Variants in RBM24 observed in about 807,000 individuals in gnomAD.
The protein encoded by RBM24 is RNA-binding protein 24.
RBM24 carries 5 observed loss-of-function variants against 23.6 expected under a neutral mutation model. The observed-to-expected ratio is 0.21, with a 90% CI of 0.11 to 0.45. The LOEUF (loss-of-function observed/expected upper bound fraction) is 0.45. RBM24 is among the 20% of genes least tolerant of loss of function. RBM24 has a pLI of 0.99. For missense variants in RBM24, 252 were observed against 314.6 expected, an observed-to-expected ratio of 0.80 and a Z score of 1.51; for synonymous variants, 151 against 129.5, an observed-to-expected ratio of 1.17 and a Z score of -1.13.
Position 17,291,955 on chromosome 6 carries a change from G to A in RBM24, c.547G>A (p.Ala183Thr), listed in dbSNP as rs756883352. ...YDQYPYAASP[A>T]AAGYVTAGGY... is the part of the protein sequence containing the mutation. ...CCAGTACCCCTATGCAGCCTCTCCA[G>A]CTGCTGCAGGATATGTTACTGCTGG... Residue 183 changes from alanine to threonine, a missense_variant, in exon 4 of 4, where the codon GCT (alanine) becomes ACT (threonine). Ala to Thr is a moderately conservative substitution (Grantham distance 58). Coordinates refer to ENST00000379052, the MANE Select transcript of RBM24 (RefSeq NM_001143942.2). The A allele has an allele frequency of 2.5e-6, 4 of 1,612,126 alleles. No individual in the cohort carries two copies. The South Asian group carries it at 4.4e-5, about 18-fold the overall frequency.
At chr6:17,283,873 G>C (rs1055081069) in intron 2 of RBM24, among the ~76,000 whole-genome samples, 2 of 152,180 alleles carry the variant, frequency 1.3e-5, no homozygotes, top group African/African-American at 4.8e-5. Context: ...GTTGCCAAAA[G>C]GGAGCAGTTT....
At chr6:17,290,184 A>T (rs748928753) in intron 3 of RBM24, 2 of 932,308 alleles carry the variant, frequency 2.1e-6, no homozygotes, top group Non-Finnish European at 3.0e-6. Flanking sequence ...TGAAAAGGCA[A>T]AGCAAAATCT....
At chr6:17,288,292 C>T in intron 3 of RBM24, 1 of 985,376 alleles carries the variant, frequency 1.0e-6, no homozygotes, top group African/African-American at 1.7e-5. Flanking sequence ...GAAGGGCTGT[C>T]CATGTGGCTT....
chr6:17,285,845 G>A (rs1760178573), intron 3 of RBM24, among the ~76,000 whole-genome samples: 1 of 152,046 alleles, frequency 6.6e-6, no homozygotes, highest in Admixed American at 6.6e-5. Context: ...AATTTATCCT[G>A]GACACTAGAT....
intron 3 of RBM24, among the ~76,000 whole-genome samples, chr6:17,287,570 A>G (rs1441643027): frequency 6.6e-6 from 1 of 152,066 alleles, no homozygotes; most frequent in Non-Finnish European, 1.5e-5. Context: ...TGGGAGGCCG[A>G]GGTGGGTGGA....
At chr6:17,290,210 C>G (rs1229695627) in intron 3 of RBM24, 1 of 703,554 alleles carries the variant, frequency 1.4e-6, no homozygotes. Flanking sequence ...TCTGAAAAAT[C>G]TACAAGTGCT....
chr6:17,282,094 G>A, intron 1 of RBM24: 1 of 1,229,176 alleles, frequency 8.1e-7, no homozygotes, highest in Non-Finnish European at 1.0e-6. Context: ...GATGCCGGTT[G>A]TTAAGCGCGC....
At chr6:17,283,820 G>A (rs933096716) in intron 2 of RBM24, among the ~76,000 whole-genome samples, 2 of 152,194 alleles carry the variant, frequency 1.3e-5, no homozygotes, top group African/African-American at 4.8e-5. Context: ...AGAAACTGAT[G>A]CTTAGAGATG....
chr6:17,284,747 A>G lies in RBM24; in HGVS notation c.347+36A>G, dbSNP rs185780622. On this transcript the variant is annotated intron_variant, in intron 3 of 3. Coordinates refer to ENST00000379052, the MANE Select transcript of RBM24 (RefSeq NM_001143942.2). The stretch of plus-strand genomic sequence containing the variant: ...TAATCAGGCTTTCTTAAGTTTCAGT[A>G]TGACTATCATTTGTTAACGTGCCTC... 1.2e-3 allele frequency: 1,891 copies of G among 1,524,626 alleles called. 2 individuals are homozygous for G. Among genetic ancestry groups the G allele is most frequent in the Non-Finnish European group, 1.6e-3 (1,748 of 1,102,044 alleles). 94.4% of individuals were successfully genotyped at this position (1,524,626 alleles called of 1,614,324 possible). A position where few individuals can be genotyped will look rare whatever the true frequency, so the allele number is the denominator to read the frequency against.
At position 17,292,296 on chromosome 6, in the gene RBM24, G is replaced by A. The variant is rs1042104381; in HGVS notation, c.*177G>A. On this transcript the variant is annotated 3_prime_UTR_variant, in exon 4 of 4. Transcript: ENST00000379052. ...TCCAGGTAGTGTTCTAGATGAGAAA[G>A]AGGTAAGAATGAGGGGAATGGGCAC... is the stretch of plus-strand genomic sequence containing the variant. 1.9e-6 allele frequency: 1 copy of A among 529,832 alleles called. No homozygotes were observed. Among genetic ancestry groups the A allele is most frequent in the Non-Finnish European group, 2.9e-6 (1 of 340,234 alleles). 32.8% of individuals were successfully genotyped at this position (529,832 alleles called of 1,614,324 possible).
chr6:17,284,787 A>G, intron 3 of RBM24, 76 bp downstream of exon 3: 1 of 1,069,366 alleles, frequency 9.4e-7, no homozygotes, highest in South Asian at 1.6e-5. Flanking sequence ...TTATATACAG[A>G]TAAGATCATG....
intron 3 of RBM24, chr6:17,289,970 C>G (rs534727074): frequency 7.8e-7 from 1 of 1,289,142 alleles, no homozygotes; most frequent in East Asian, 5.5e-5. Context: ...CATGACCACG[C>G]GCCTGGTTTC....
intron 3 of RBM24, chr6:17,289,402 A>T: frequency 1.0e-6 from 1 of 985,380 alleles, no homozygotes; most frequent in Non-Finnish European, 1.2e-6. Context: ...ACCTTTGCCA[A>T]ACTTCATGTA....
intron 3 of RBM24, among the ~76,000 whole-genome samples, chr6:17,286,601 G>A (rs548640866): frequency 1.3e-5 from 2 of 152,318 alleles, no homozygotes; most frequent in East Asian, 3.9e-4. Flanking sequence ...AAGTGACTTG[G>A]TATTGTTTCA....
chr6:17,282,328 G>A (rs1309335490), intron 1 of RBM24: 2 of 1,083,006 alleles, frequency 1.8e-6, no homozygotes, highest in Non-Finnish European at 2.5e-6. Flanking sequence ...CCGAAGAGCA[G>A]GGAGCCCCAG....
chr6:17,289,396 T>C (rs9383268), intron 3 of RBM24: 50,741 of 985,400 alleles, frequency 0.051, 1,537 homozygotes, highest in East Asian at 0.12. Context: ...TCTTTAACCT[T>C]TGCCAAACTT....
chr6:17,291,760 C>G lies in RBM24; in HGVS notation c.352C>G (p.Pro118Ala), dbSNP rs1207735200. Residue 118 changes from proline (P) to alanine (A), a missense_variant, in exon 4 of 4, where the codon CCT becomes GCT. Physicochemically the swap from Pro to Ala is conservative, Grantham distance 27. Transcript: ENST00000379052. ...PALIQRPFGIPAHYVYPQAFV... is the reference protein window; with the variant it reads ...PALIQRPFGIAAHYVYPQAFV... ...TTGTTTTCCATTTCTCAACAGGATACCTGCCCACTATGTCTATCCGCAGGC... is the reference window on the plus strand; with the variant it reads ...TTGTTTTCCATTTCTCAACAGGATAGCTGCCCACTATGTCTATCCGCAGGC... 1 of 1,605,206 alleles carries G rather than the reference C, an allele frequency of 6.2e-7. No individual in the cohort carries two copies. The highest frequency in any genetic ancestry group is 2.2e-5 in the East Asian group (1 of 44,686).
intron 3 of RBM24, chr6:17,285,115 G>C (rs762616320): frequency 5.1e-5 from 8 of 155,676 alleles, no homozygotes; most frequent in Non-Finnish European, 7.1e-5. Context: ...GAATAGTTCT[G>C]TTTGGAATTA....
At chr6:17,284,139 A>G (rs545734662) in intron 2 of RBM24, among the ~76,000 whole-genome samples, 1 of 152,296 alleles carries the variant, frequency 6.6e-6, no homozygotes, top group Non-Finnish European at 1.5e-5. Flanking sequence ...GTTTGTGCAA[A>G]TATTCATGGG....
Sources: gnomAD v4.1 joint callset for allele counts (sites outside exome capture counted in the v4.1 genomes callset) on GRCh38, gnomAD v4.1.1 for gene constraint, MANE v1.5 for transcripts, NCBI Gene and HGNC (gene_info 2026-07-23, HGNC 2026-07-21) for gene names.